Variants in NYAP2 observed in about 807,000 individuals in gnomAD.
NYAP2 encodes neuronal tyrosine-phosphorylated phosphoinositide-3-kinase adapter 2.
Under a neutral mutation model 50.4 loss-of-function variants are expected in NYAP2, and 23 were observed. That is an observed-to-expected ratio of 0.46 (90% CI 0.33 to 0.65). The LOEUF (loss-of-function observed/expected upper bound fraction) is 0.65. NYAP2 is among the 30% of genes least tolerant of loss of function. The pLI, the probability that NYAP2 is intolerant of heterozygous loss-of-function variation, is 0.02. For missense variants in NYAP2, 885 were observed against 861.0 expected, an observed-to-expected ratio of 1.03 and a Z score of -0.35; for synonymous variants, 394 against 365.2, an observed-to-expected ratio of 1.08 and a Z score of -0.90.
chr2:225,436,075 G>A (rs1689370906), intron 3 of NYAP2, among the ~76,000 whole-genome samples: 1 of 152,122 alleles, frequency 6.6e-6, no homozygotes, highest in East Asian at 1.9e-4. Context: ...TTGTGTTGTG[G>A]ACTCCATCCA....
intron 3 of NYAP2, among the ~76,000 whole-genome samples, chr2:225,469,117 G>A (rs554936361): frequency 1.4e-4 from 21 of 152,102 alleles, no homozygotes; most frequent in African/African-American, 4.6e-4. Context: ...CAATCTATCC[G>A]TCTGACAAAG....
intron 4 of NYAP2, among the ~76,000 whole-genome samples, chr2:225,551,666 G>A (rs1691679378): frequency 6.6e-6 from 1 of 152,126 alleles, no homozygotes; most frequent in Admixed American, 6.6e-5. Context: ...AAATTTAGAT[G>A]TTTATTATGT....
intron 6 of NYAP2, among the ~76,000 whole-genome samples, chr2:225,628,315 G>GTTTTT (rs543647777): frequency 1.2e-4 from 13 of 109,412 alleles, no homozygotes; most frequent in Non-Finnish European, 1.9e-4. Flanking sequence ...AGAACACATA[G>GTTTTT]TTTTTTTTTT....
chr2:225,518,993 G>A (rs1415961908), intron 4 of NYAP2, among the ~76,000 whole-genome samples: 5 of 151,928 alleles, frequency 3.3e-5, no homozygotes, highest in Admixed American at 3.3e-4. Flanking sequence ...ATCGAAGCCT[G>A]GGCGACTGAG....
chr2:225,619,865 C>CAA (rs1180889466), intron 5 of NYAP2, among the ~76,000 whole-genome samples: 32 of 152,118 alleles, frequency 2.1e-4, no homozygotes, highest in Admixed American at 1.3e-4. Context: ...GTCTGAAATA[C>CAA]AAATATAATA....
Position 225,583,035 on chromosome 2 carries a change from A to T in NYAP2, c.1618A>T (p.Lys540Ter), listed in dbSNP as rs1448196339. ...CCGGCGCTCCAAAGAGCCTGCAGAG[A>T]GTAAGTGTGCAGGGCCTGCCTGAGC... Residue 540 changes from lysine (K) to a stop codon, truncating the protein, a stop_gained and splice_region_variant, in exon 5 of 7, where the codon AAA becomes TAA. Transcript: ENST00000636099. LOFTEE classifies it high-confidence loss of function. 1 of 1,609,788 alleles carries T rather than the reference A, an allele frequency of 6.2e-7. No homozygotes were observed. The highest frequency in any genetic ancestry group is 2.2e-5 in the East Asian group (1 of 44,828).
the NYAP2 span, among the ~76,000 whole-genome samples, chr2:225,666,339 G>A: frequency 6.6e-6 from 1 of 152,108 alleles, no homozygotes; most frequent in Non-Finnish European, 1.5e-5. Context: ...TAAAATATTT[G>A]AAGAGATTTA....
At chr2:225,696,828 G>A in the NYAP2 span, among the ~76,000 whole-genome samples, 2 of 151,928 alleles carry the variant, frequency 1.3e-5, no homozygotes, top group African/African-American at 4.8e-5. Flanking sequence ...AACTTTGGGA[G>A]AGTTACCAAA....
intron 5 of NYAP2, among the ~76,000 whole-genome samples, chr2:225,616,012 G>A (rs190624331): frequency 2.0e-5 from 3 of 152,266 alleles, no homozygotes; most frequent in Admixed American, 6.5e-5. Flanking sequence ...CTGTTTGTGC[G>A]ATCTTGGGCA....
intron 4 of NYAP2, among the ~76,000 whole-genome samples, chr2:225,532,924 T>G (rs1474009903): frequency 6.6e-6 from 1 of 152,226 alleles, no homozygotes; most frequent in Admixed American, 6.5e-5. Context: ...CTACTATGCA[T>G]GTGGCACGAT....
At chr2:225,477,098 A>G (rs1279800125) in intron 3 of NYAP2, among the ~76,000 whole-genome samples, 1 of 152,072 alleles carries the variant, frequency 6.6e-6, no homozygotes, top group East Asian at 1.9e-4. Context: ...CTTGTGAGGT[A>G]TATATATTAT....
At chr2:225,650,127 G>A (rs1203916168) in intron 6 of NYAP2, among the ~76,000 whole-genome samples, 1 of 152,200 alleles carries the variant, frequency 6.6e-6, no homozygotes, top group African/African-American at 2.4e-5. Flanking sequence ...GTAGGCGTAA[G>A]CTTACTCATT....
rs1339509586 is a variant in NYAP2 at position 225,652,926 on chromosome 2, T to C, written c.*1361T>C. ...GCAAATACAAGAAATGAGAGGCTTC[T>C]CTCAAGGGTATCTCAAGTACCATTT... On this transcript the variant is annotated 3_prime_UTR_variant, in exon 7 of 7. Coordinates refer to ENST00000636099, the Ensembl canonical transcript of NYAP2. 4 of 152,250 alleles carry C rather than the reference T, an allele frequency of 2.6e-5. No homozygotes were observed. In the East Asian group the frequency reaches 7.7e-4, roughly 29 times the overall value. 9.4% of individuals were successfully genotyped at this position (152,250 alleles called of 1,614,324 possible).
chr2:225,435,456 T>C (rs988780407), intron 3 of NYAP2, among the ~76,000 whole-genome samples: 4 of 152,204 alleles, frequency 2.6e-5, no homozygotes, highest in African/African-American at 9.7e-5. Flanking sequence ...AAAGAAGTCA[T>C]CAAAGTGGAG....
the NYAP2 span, among the ~76,000 whole-genome samples, chr2:225,665,805 T>G: frequency 1.4e-4 from 1 of 6,934 alleles, no homozygotes; most frequent in African/African-American, 3.1e-4. Flanking sequence ...CAAGCCTCCG[T>G]CTAAAAAAAA....
intron 4 of NYAP2, among the ~76,000 whole-genome samples, chr2:225,522,690 C>T (rs1352449402): frequency 1.3e-5 from 2 of 152,136 alleles, no homozygotes; most frequent in African/African-American, 4.8e-5. Flanking sequence ...CACAAATGGT[C>T]CTTTCTTTCT....
intron 4 of NYAP2, among the ~76,000 whole-genome samples, chr2:225,522,150 T>G (rs1331251365): frequency 1.3e-5 from 2 of 152,164 alleles, no homozygotes; most frequent in Non-Finnish European, 2.9e-5. Context: ...TTGCATCTAT[T>G]TGATTCTTCT....
At chr2:225,569,497 G>C (rs1692029000) in intron 4 of NYAP2, among the ~76,000 whole-genome samples, 1 of 152,120 alleles carries the variant, frequency 6.6e-6, no homozygotes, top group African/African-American at 2.4e-5. Flanking sequence ...TCACAGTGCT[G>C]TATTTTGGGC....
intron 3 of NYAP2, among the ~76,000 whole-genome samples, chr2:225,499,911 C>T (rs963106208): frequency 1.3e-5 from 2 of 152,030 alleles, no homozygotes; most frequent in Non-Finnish European, 2.9e-5. Context: ...AGAGATGAAG[C>T]AGGAGCTCAC....
Sources: allele counts gnomAD v4.1 joint callset (sites outside exome capture counted in the v4.1 genomes callset), GRCh38; gene constraint gnomAD v4.1.1; transcripts MANE v1.5; gene names NCBI Gene and HGNC (gene_info 2026-07-23, HGNC 2026-07-21).